ASXL2: variants seen among roughly 807,000 people sequenced by gnomAD.
ASXL2 encodes ASXL transcriptional regulator 2.
In ASXL2, 23 loss-of-function variants were observed where a neutral mutation model predicts 122.0. The observed-to-expected ratio is 0.19, with a 90% CI of 0.14 to 0.27. The LOEUF is 0.27. ASXL2 is among the 10% of genes least tolerant of loss of function. The pLI is 1.00. For synonymous variants in ASXL2, 650 were observed against 637.0 expected, an observed-to-expected ratio of 1.02 and a Z score of -0.31; for missense variants, 1,518 against 1,713.8, an observed-to-expected ratio of 0.89 and a Z score of 2.02.
chr2:25,792,902 G>A (rs1038578491), intron 5 of ASXL2, among the ~76,000 whole-genome samples: 18 of 151,798 alleles, frequency 1.2e-4, no homozygotes, highest in South Asian at 2.1e-4. Context: ...CACCGCACTC[G>A]GCTGATAAAT....
chr2:25,809,692 T>C (rs2089137084), intron 3 of ASXL2, among the ~76,000 whole-genome samples: 1 of 152,214 alleles, frequency 6.6e-6, no homozygotes, highest in Non-Finnish European at 1.5e-5. Context: ...TTAAAGGCAT[T>C]ATGCATTGTG....
intron 12 of ASXL2, among the ~76,000 whole-genome samples, chr2:25,745,689 G>A (rs1055129169): frequency 2.2e-5 from 3 of 137,086 alleles, no homozygotes; most frequent in South Asian, 2.4e-4. Context: ...TGTCACCCAG[G>A]CTGGAGTGCA....
chr2:25,824,610 CAG>C (rs942076485), intron 3 of ASXL2, among the ~76,000 whole-genome samples: 25 of 152,322 alleles, frequency 1.6e-4, no homozygotes, highest in Non-Finnish European at 2.8e-4. Context: ...CGAACAAAAT[CAG>C]AAACTCAGGT....
chr2:25,878,258 C>T lies in ASXL2; in HGVS notation c.-36G>A. 6.2e-7 allele frequency: 1 copy of T among 1,610,938 alleles called. No individual in the cohort carries two copies. The highest frequency in any genetic ancestry group is 8.5e-7 in the Non-Finnish European group (1 of 1,177,648). On this transcript the variant is annotated 5_prime_UTR_variant, in exon 1 of 13. Transcript: ENST00000435504. Reference sequence around the variant, plus strand: ...GAACTGACTGGGAGGCTCCCGTGTCCGGGCTCCGGCCGCCCTCCCTGCCTG... The same window carrying T: ...GAACTGACTGGGAGGCTCCCGTGTCTGGGCTCCGGCCGCCCTCCCTGCCTG...
chr2:25,858,958 C>T (rs1172613021), intron 1 of ASXL2, among the ~76,000 whole-genome samples: 11 of 151,322 alleles, frequency 7.3e-5, no homozygotes, highest in African/African-American at 2.4e-4. Flanking sequence ...GGATTACAGG[C>T]GCCTGCCACC....
intron 3 of ASXL2, chr2:25,810,146 A>T: frequency 1.8e-6 from 1 of 562,012 alleles, no homozygotes; most frequent in Non-Finnish European, 3.5e-6. Flanking sequence ...ACTTTTCTTC[A>T]GCATCACTCA....
intron 3 of ASXL2, among the ~76,000 whole-genome samples, chr2:25,808,323 G>A (rs538477516): frequency 6.6e-6 from 1 of 152,276 alleles, no homozygotes; most frequent in Admixed American, 6.5e-5. Context: ...ACTGAGAAAA[G>A]TCAGGAAGCA....
At chr2:25,773,541 T>C (rs1486964560) in intron 5 of ASXL2, among the ~76,000 whole-genome samples, 5 of 150,474 alleles carry the variant, frequency 3.3e-5, no homozygotes, top group Non-Finnish European at 4.4e-5. Flanking sequence ...TGGCGGGCGC[T>C]TGTAGTCCCA....
intron 1 of ASXL2, among the ~76,000 whole-genome samples, chr2:25,856,092 T>C (rs2089773635): frequency 6.6e-6 from 1 of 151,182 alleles, no homozygotes; most frequent in Admixed American, 6.6e-5. Flanking sequence ...GAGTCTCACT[T>C]TGTCGCCAGG....
intron 4 of ASXL2, among the ~76,000 whole-genome samples, chr2:25,804,600 A>G (rs765517871): frequency 6.6e-6 from 1 of 152,230 alleles, no homozygotes; most frequent in Non-Finnish European, 1.5e-5. Flanking sequence ...GATGATGTCA[A>G]CTGAGTTCCT....
rs1469784901 is a variant in ASXL2, at chr2:25,750,187, A to G, written c.1369T>C (p.Phe457Leu). 6.2e-7 allele frequency: 1 copy of G among 1,613,970 alleles called. No homozygotes were observed. Among genetic ancestry groups the G allele is most frequent in the African/African-American group, 1.3e-5 (1 of 75,048 alleles). Residue 457 changes from phenylalanine (F) to leucine (L), a missense_variant, in exon 12 of 13, where the codon TTC becomes CTC. Phe to Leu is a conservative substitution (Grantham distance 22, BLOSUM62 0). Transcript: ENST00000435504. The part of the protein sequence containing the change: ...CESQGEVQPN[F>L]STSSEPLLSS... ...AGCAGGGGCTCTGAAGATGTGGAGA[A>G]GTTCGGCTGCACTTCACCTTGGCTT...
At chr2:25,851,650 T>C (rs1025805639) in intron 1 of ASXL2, among the ~76,000 whole-genome samples, 1 of 152,226 alleles carries the variant, frequency 6.6e-6, no homozygotes, top group Non-Finnish European at 1.5e-5. Context: ...TTAACTCTTA[T>C]AATTCACATA....
At chr2:25,777,371 G>C (rs1275152827) in intron 5 of ASXL2, among the ~76,000 whole-genome samples, 2 of 152,088 alleles carry the variant, frequency 1.3e-5, no homozygotes, top group African/African-American at 4.8e-5. Context: ...CCTGGCACAT[G>C]GCTCACACCT....
intron 1 of ASXL2, among the ~76,000 whole-genome samples, chr2:25,853,296 ATT>A (rs970886557): frequency 3.9e-5 from 6 of 152,208 alleles, no homozygotes; most frequent in African/African-American, 1.4e-4. Context: ...AACACATGGT[ATT>A]TAGACAGAAA....
At chr2:25,854,355 C>A (rs543444945) in intron 1 of ASXL2, among the ~76,000 whole-genome samples, 10 of 152,278 alleles carry the variant, frequency 6.6e-5, no homozygotes, top group Admixed American at 2.6e-4. Context: ...TTAACCTTTA[C>A]AATAAACCTA....
intron 5 of ASXL2, among the ~76,000 whole-genome samples, chr2:25,777,180 C>T (rs1199668801): frequency 2.0e-5 from 3 of 152,118 alleles, no homozygotes; most frequent in Admixed American, 6.5e-5. Context: ...CCTTGACCTC[C>T]GAGGCTCAAG....
chr2:25,747,430 T>C (rs2087960158), intron 12 of ASXL2, among the ~76,000 whole-genome samples: 1 of 152,202 alleles, frequency 6.6e-6, no homozygotes, highest in Non-Finnish European at 1.5e-5. Context: ...AAGCAGTATT[T>C]GAGATAGGGT....
intron 1 of ASXL2, among the ~76,000 whole-genome samples, chr2:25,849,526 G>A (rs958444140): frequency 6.6e-6 from 1 of 151,226 alleles, no homozygotes; most frequent in South Asian, 2.1e-4. Flanking sequence ...CCAGGCTGGA[G>A]TGCGGTGGTG....
intron 6 of ASXL2, 119 bp from the exon 7 acceptor site, chr2:25,768,987 T>A: frequency 8.0e-7 from 1 of 1,246,014 alleles, no homozygotes; most frequent in African/African-American, 1.5e-5. Flanking sequence ...TTGAAATCTA[T>A]CAAAGCAAAC....
Sources: allele counts gnomAD v4.1 joint callset (sites outside exome capture counted in the v4.1 genomes callset), GRCh38; gene constraint gnomAD v4.1.1; transcripts MANE v1.5; gene names NCBI Gene and HGNC (gene_info 2026-07-23, HGNC 2026-07-21).